Variants in SNX19 observed in about 807,000 individuals in gnomAD.
The protein encoded by SNX19 is sorting nexin 19.
Under a neutral mutation model 85.2 loss-of-function variants are expected in SNX19, and 60 were observed. The ratio of observed to expected loss-of-function variants is 0.70; its 90% CI spans 0.57 to 0.87. The LOEUF (loss-of-function observed/expected upper bound fraction) is 0.87. Ranked by LOEUF, SNX19 falls within the 40% of genes least tolerant of loss-of-function variation. The pLI, the probability that SNX19 is intolerant of heterozygous loss-of-function variation, is 0.00. For synonymous variants in SNX19, 520 were observed against 470.0 expected, an observed-to-expected ratio of 1.11 and a Z score of -1.38; for missense variants, 1,201 against 1,217.8, an observed-to-expected ratio of 0.99 and a Z score of 0.21.
chr11:130,914,278 G>C lies in SNX19; in HGVS notation c.1662C>G (p.Leu554=). The part of the protein sequence containing the change: ...HSGTGFHPYT[L]YTVKYETALD... ...TTAATCCTGTTACCTTCACAGTATA[G>C]AGTGTGTATGGGTGGAATCCAGTGC... is the stretch of plus-strand genomic sequence containing the variant. Residue 554 remains leucine (L), a synonymous_variant, in exon 1 of 11, where the codon CTC becomes CTG. Coordinates refer to ENST00000265909, the MANE Select transcript of SNX19 (RefSeq NM_014758.3). 6.3e-7 allele frequency: 1 copy of C among 1,580,964 alleles called. No homozygotes were observed. The highest frequency in any genetic ancestry group is 8.6e-7 in the Non-Finnish European group (1 of 1,162,898).
chr11:130,915,950 A>G lies in SNX19; in HGVS notation c.-11T>C. 6.2e-7 allele frequency: 1 copy of G among 1,609,266 alleles called. No homozygotes were observed. Among genetic ancestry groups the G allele is most frequent in the Non-Finnish European group, 8.5e-7 (1 of 1,177,020 alleles). ...TGTTTCTGTCTTCATGGCTGAACGG[A>G]CAAGGTGGCTTCCCCAGATGACAGC... On this transcript the variant is annotated 5_prime_UTR_variant, in exon 1 of 11. Transcript: ENST00000265909.
intron 8 of SNX19, chr11:130,895,208 A>G: frequency 1.0e-6 from 1 of 985,432 alleles, no homozygotes; most frequent in Non-Finnish European, 1.2e-6. Context: ...AGGGCCCCCA[A>G]ACCTCTTTGC....
chr11:130,894,378 C>T (rs775341258), intron 8 of SNX19, among the ~76,000 whole-genome samples: 25 of 152,076 alleles, frequency 1.6e-4, no homozygotes, highest in Non-Finnish European at 2.8e-4. Context: ...ATGCTGAAGA[C>T]GCATTAGAGC....
chr11:130,906,170 C>T, intron 6 of SNX19, 37 bp from the exon 7 acceptor site: 3 of 1,597,114 alleles, frequency 1.9e-6, no homozygotes, highest in Non-Finnish European at 2.6e-6. Flanking sequence ...ATATGGAATG[C>T]TGACAGTAGG....
At chr11:130,906,595 G>T (rs367844061) in intron 6 of SNX19, 30 bp downstream of exon 6, 106 of 1,473,096 alleles carry the variant, frequency 7.2e-5, no homozygotes, top group Middle Eastern at 1.9e-4. Context: ...AGATATTTTT[G>T]CCTCACATTC....
At position 130,877,602 on chromosome 11, in the gene SNX19, CAGAG is replaced by C. The variant is rs1357193777; in HGVS notation, c.*816_*819del. The C allele has an allele frequency of 6.6e-6, 1 of 152,494 alleles. No individual in the cohort carries two copies. The highest frequency in any genetic ancestry group is 6.5e-5 in the Admixed American group (1 of 15,270). The allele number at this position is 152,494 out of a possible 1,614,324, so 9.4% of individuals were successfully genotyped here. A position where few individuals can be genotyped will look rare whatever the true frequency, so the allele number is the denominator to read the frequency against. On this transcript the variant is annotated 3_prime_UTR_variant, in exon 11 of 11. Coordinates refer to ENST00000265909, the MANE Select transcript of SNX19 (RefSeq NM_014758.3). ...GCTTGTCATGCAGTTTTGCTGAAGA[CAGAG>C]AGAGGGTCAAAAATTCAAAAACTCA...
At chr11:130,912,741 A>C (rs923968769) in intron 1 of SNX19, among the ~76,000 whole-genome samples, 2 of 152,186 alleles carry the variant, frequency 1.3e-5, no homozygotes, top group African/African-American at 4.8e-5. Flanking sequence ...GGAAAGACCA[A>C]GTAAGAGCAA....
Position 130,916,050 on chromosome 11 carries a change from T to C in SNX19, c.-111A>G. ...CAGATATGGGGCGATCTGGGTGCTG[T>C]TCAGGGAACCGGGGCTCCAGGCCCT... On this transcript the variant is annotated 5_prime_UTR_variant, in exon 1 of 11. Transcript: ENST00000265909. The C allele has an allele frequency of 1.0e-6, 1 of 999,152 alleles. No homozygotes were observed. The highest frequency in any genetic ancestry group is 2.6e-5 in the East Asian group (1 of 38,264). The allele number at this position is 999,152 out of a possible 1,614,324, so 61.9% of individuals were successfully genotyped here.
chr11:130,875,964 A>C lies in SNX19; in HGVS notation c.*2458T>G, dbSNP rs1943224431. 1 of 152,216 alleles carries C rather than the reference A, an allele frequency of 6.6e-6. No individual in the cohort carries two copies. Among genetic ancestry groups the C allele is most frequent in the South Asian group, 2.1e-4 (1 of 4,834 alleles). 9.4% of individuals were successfully genotyped at this position (152,216 alleles called of 1,614,324 possible). ...ATGAAACTGTGAGTTATATGTGATG[A>C]AAAAGTATAGCTTTCTTGAATTCAA... On this transcript the variant is annotated 3_prime_UTR_variant, in exon 11 of 11. Transcript: ENST00000265909.
Position 130,903,381 on chromosome 11 carries a change from G to T in SNX19, c.2447C>A (p.Thr816Lys), listed in dbSNP as rs370130782. The part of the protein sequence containing the change: ...AQDPSNSDPG[T>K]ETELADTALD... ...GGCTGTGTCAGCTAACTCTGTCTCT[G>T]TTCCTGAGGGATAAAATGGCATCAG... is the stretch of plus-strand genomic sequence containing the variant. The change falls in exon 8 of 11, where the codon ACA becomes AAA. Residue 816 changes from threonine (T) to lysine (K), a missense_variant. Transcript: ENST00000265909. The T allele has an allele frequency of 1.2e-6, 2 of 1,611,960 alleles. No homozygotes were observed. The highest frequency in any genetic ancestry group is 2.7e-5 in the African/African-American group (2 of 74,830).
rs748319401 is a variant in SNX19, at chr11:130,880,598, AATTG to A, written c.2758+20_2758+23del. 145 of 1,558,330 alleles carry A rather than the reference AATTG, an allele frequency of 9.3e-5. No individual in the cohort carries two copies. The highest frequency in any genetic ancestry group is 1.2e-4 in the Non-Finnish European group (139 of 1,140,994). On this transcript the variant is annotated intron_variant, in intron 9 of 10. Coordinates refer to ENST00000265909, the MANE Select transcript of SNX19 (RefSeq NM_014758.3). ...AATGGAAGAGAAATGTGATTGGTAT[AATTG>A]ATCTCATTGGTCCAATTACCTGGGA... is the stretch of plus-strand genomic sequence containing the variant.
intron 8 of SNX19, chr11:130,894,874 A>G: frequency 1.0e-6 from 1 of 985,416 alleles, no homozygotes; most frequent in Non-Finnish European, 1.2e-6. Flanking sequence ...AGCCTCTCTA[A>G]CATTTACCTC....
At position 130,866,990 on chromosome 11, in the gene SNX19, C is replaced by T. The variant is rs538946309; in HGVS notation, c.*11432G>A. 19 of 152,236 alleles carry T rather than the reference C, an allele frequency of 1.2e-4. 1 individual carries two copies. Among genetic ancestry groups the T allele is most frequent in the African/African-American group, 4.6e-4 (19 of 41,478 alleles). The allele number at this position is 152,236 out of a possible 1,614,324, so 9.4% of individuals were successfully genotyped here. On this transcript the variant is annotated 3_prime_UTR_variant, in exon 11 of 11. Coordinates refer to ENST00000265909, the MANE Select transcript of SNX19 (RefSeq NM_014758.3). ...TCTATTCTTATGAGCATTTAATGGA[C>T]AAGGAAACTAAGCCACAGAGGTGTG...
At chr11:130,885,428 T>C (rs886945294) in intron 8 of SNX19, among the ~76,000 whole-genome samples, 4 of 152,204 alleles carry the variant, frequency 2.6e-5, no homozygotes, top group Non-Finnish European at 5.9e-5. Flanking sequence ...TAGTAGAAGG[T>C]CATTTCCCAT....
rs1436390141 is a variant in SNX19, at chr11:130,868,344, T to C, written c.*10078A>G. 6.6e-6 allele frequency: 1 copy of C among 152,094 alleles called. No individual in the cohort carries two copies. The highest frequency in any genetic ancestry group is 1.5e-5 in the Non-Finnish European group (1 of 68,026). 9.4% of individuals were successfully genotyped at this position (152,094 alleles called of 1,614,324 possible). ...CCAGGAACTGGGTTGCAAAGTCTGT[T>C]AGTGGAAAAAAAAGCAACACCCTTC... On this transcript the variant is annotated 3_prime_UTR_variant, in exon 11 of 11. Coordinates refer to ENST00000265909, the MANE Select transcript of SNX19 (RefSeq NM_014758.3).
At chr11:130,905,116 A>T (rs1162344570) in intron 7 of SNX19, among the ~76,000 whole-genome samples, 3 of 152,170 alleles carry the variant, frequency 2.0e-5, no homozygotes, top group Non-Finnish European at 4.4e-5. Flanking sequence ...GAACTGATAT[A>T]CTTATTTTAA....
chr11:130,882,574 T>C (rs1179753055), intron 8 of SNX19, among the ~76,000 whole-genome samples: 1 of 152,228 alleles, frequency 6.6e-6, no homozygotes, highest in Non-Finnish European at 1.5e-5. Context: ...GCTGTTCTTG[T>C]CCAAAATAGC....
rs1035068275 is a variant in SNX19 at position 130,884,731 on chromosome 11, A to G, written c.2574-3925T>C. On this transcript the variant is annotated intron_variant, in intron 8 of 10. Coordinates refer to ENST00000265909, the MANE Select transcript of SNX19 (RefSeq NM_014758.3). Reference sequence around the variant, plus strand: ...AAAATACAAAAAAAATTAGCTGGGCACGGTGGCGCACGCCTGTAGTCTCCA... The same window carrying G: ...AAAATACAAAAAAAATTAGCTGGGCGCGGTGGCGCACGCCTGTAGTCTCCA... Among the ~76,000 whole-genome samples, 23 of 152,038 alleles carry G rather than the reference A, an allele frequency of 1.5e-4. 1 individual carries two copies. The highest frequency in any genetic ancestry group is 5.5e-4 in the African/African-American group (23 of 41,500).
Position 130,914,600 on chromosome 11 carries a change from A to C in SNX19, c.1340T>G (p.Ile447Ser). The change falls in exon 1 of 11, where the codon ATC (isoleucine) becomes AGC (serine). Residue 447 changes from isoleucine to serine, a missense_variant. By Grantham distance (142) the Ile-to-Ser change is moderately radical. This residue lies in a region of SNX19 where 791 missense variants were observed against 750.9 expected (regional missense o/e 1.05). Transcript: ENST00000265909. ...CTCCTTGTCTGCTGTGTCAATATGG[A>C]TCTCTGGGCAGGAATTCAGTGTGGA... Reference protein sequence around the residue: ...PVSTLNSCPEIHIDTADKEIE... With the variant: ...PVSTLNSCPESHIDTADKEIE... 6.2e-7 allele frequency: 1 copy of C among 1,613,808 alleles called. No individual in the cohort carries two copies. Among genetic ancestry groups the C allele is most frequent in the Middle Eastern group, 1.7e-4 (1 of 6,056 alleles).
Sources: allele counts gnomAD v4.1 joint callset (sites outside exome capture counted in the v4.1 genomes callset), GRCh38; gene constraint gnomAD v4.1.1; regional missense constraint gnomAD v4.1.1; transcripts MANE v1.5; gene names NCBI Gene and HGNC (gene_info 2026-07-23, HGNC 2026-07-21).